Variants in BLTP1 observed in about 807,000 individuals in gnomAD.
BLTP1 encodes bridge-like lipid transfer protein family member 1.
chr4:122,170,167 G>A, the BLTP1 span: 42 of 310,030 alleles, frequency 1.4e-4, no homozygotes, highest in Non-Finnish European at 1.7e-4. Context: ...TTAGCCAGGC[G>A]TGGTGACGCA....
At chr4:122,292,397 T>C in the BLTP1 span, 2 of 831,068 alleles carry the variant, frequency 2.4e-6, no homozygotes, top group South Asian at 5.6e-5. Flanking sequence ...TCTAGACATT[T>C]AGAGTATTAG....
the BLTP1 span, among the ~76,000 whole-genome samples, chr4:122,294,020 G>A: frequency 6.6e-6 from 1 of 152,196 alleles, no homozygotes; most frequent in African/African-American, 2.4e-5. Context: ...TCTTTAAGTG[G>A]GACTCCGGTC....
At chr4:122,193,879 T>TTGAGACGGAG in the BLTP1 span, among the ~76,000 whole-genome samples, 2 of 152,316 alleles carry the variant, frequency 1.3e-5, no homozygotes, top group African/African-American at 2.4e-5. Context: ...TCTTTTTTTT[T>TTGAGACGGAG]TGAGACGGAG....
chr4:122,358,709 A>AC, the BLTP1 span, among the ~76,000 whole-genome samples: 1 of 152,150 alleles, frequency 6.6e-6, no homozygotes, highest in Non-Finnish European at 1.5e-5. Flanking sequence ...TCAAGTTATA[A>AC]CCGGAGCTAT....
the BLTP1 span, among the ~76,000 whole-genome samples, chr4:122,337,898 A>G: frequency 2.0e-5 from 3 of 149,574 alleles, no homozygotes; most frequent in African/African-American, 7.3e-5. Context: ...TATATACTAT[A>G]CAAAATATAG....
At chr4:122,180,118 A>G in the BLTP1 span, 1 of 985,256 alleles carries the variant, frequency 1.0e-6, no homozygotes, top group South Asian at 4.7e-5. Flanking sequence ...GCTGCATTGG[A>G]TTCTTCAGGA....
the BLTP1 span, chr4:122,347,215 C>A: frequency 1.0e-6 from 1 of 984,656 alleles, no homozygotes; most frequent in East Asian, 1.1e-4. Flanking sequence ...GTAATGAAAT[C>A]AAGAGATTTT....
At chr4:122,172,045 A>G in the BLTP1 span, 50 of 618,902 alleles carry the variant, frequency 8.1e-5, no homozygotes, top group Admixed American at 6.9e-4. Context: ...ATATAATGGC[A>G]TATCATCAAA....
At chr4:122,264,425 C>A in the BLTP1 span, 1 of 1,596,076 alleles carries the variant, frequency 6.3e-7, no homozygotes, top group Non-Finnish European at 8.5e-7. Context: ...TGCTGATGCA[C>A]AGGTGAGCCA....
the BLTP1 span, chr4:122,206,161 C>G: frequency 4.2e-6 from 3 of 717,734 alleles, no homozygotes; most frequent in Admixed American, 1.9e-4. Context: ...AAAGTCAAGT[C>G]TATGTTTCAT....
At chr4:122,282,668 A>G in the BLTP1 span, among the ~76,000 whole-genome samples, 3 of 152,124 alleles carry the variant, frequency 2.0e-5, no homozygotes, top group African/African-American at 7.2e-5. Flanking sequence ...TTCACTTTTC[A>G]TGGAATTACT....
At chr4:122,205,111 G>A in the BLTP1 span, among the ~76,000 whole-genome samples, 2 of 151,700 alleles carry the variant, frequency 1.3e-5, no homozygotes, top group African/African-American at 2.4e-5. Context: ...AATTTTAAAT[G>A]GGTTCATATG....
At chr4:122,283,211 A>G in the BLTP1 span, among the ~76,000 whole-genome samples, 1 of 152,060 alleles carries the variant, frequency 6.6e-6, no homozygotes, top group Non-Finnish European at 1.5e-5. Context: ...ATCTTAATCA[A>G]TTATTATTGT....
the BLTP1 span, among the ~76,000 whole-genome samples, chr4:122,251,897 C>T: frequency 6.6e-6 from 1 of 152,172 alleles, no homozygotes; most frequent in Non-Finnish European, 1.5e-5. Flanking sequence ...CTTCTCTTTC[C>T]CACTGGCCAC....
chr4:122,236,142 A>G, the BLTP1 span, among the ~76,000 whole-genome samples: 1 of 152,182 alleles, frequency 6.6e-6, no homozygotes, highest in Non-Finnish European at 1.5e-5. Flanking sequence ...GAAAGGGGTA[A>G]TTTTACCTTC....
the BLTP1 span, chr4:122,239,620 T>C: frequency 6.2e-7 from 1 of 1,614,160 alleles, no homozygotes; most frequent in Non-Finnish European, 8.5e-7. Context: ...CAAGCCTCTG[T>C]CTGTTCCACC....
the BLTP1 span, chr4:122,307,506 A>G: frequency 2.3e-5 from 23 of 985,206 alleles, no homozygotes; most frequent in Non-Finnish European, 2.7e-5. Context: ...CTGTTTAACA[A>G]ACTCAAACAT....
chr4:122,261,644 AG>A, the BLTP1 span: 1 of 984,716 alleles, frequency 1.0e-6, no homozygotes, highest in South Asian at 4.7e-5. Context: ...AGGATAATTT[AG>A]TGTTAAGAAT....
chr4:122,280,891 C>T, the BLTP1 span, among the ~76,000 whole-genome samples: 1 of 152,074 alleles, frequency 6.6e-6, no homozygotes, highest in Non-Finnish European at 1.5e-5. Context: ...AATATGGAAT[C>T]CAGAGTGTAT....
Sources: allele counts gnomAD v4.1 joint callset (sites outside exome capture counted in the v4.1 genomes callset), GRCh38; gene constraint gnomAD v4.1.1; transcripts MANE v1.5; gene names NCBI Gene and HGNC (gene_info 2026-07-23, HGNC 2026-07-21).